SLIT2: variants seen among roughly 807,000 people sequenced by gnomAD.
SLIT2 encodes slit homolog 2 protein.
A neutral mutation model predicts 185.7 loss-of-function variants in SLIT2; 41 were observed. The ratio of observed to expected loss-of-function variants is 0.22; its 90% CI spans 0.17 to 0.29. SLIT2 has a LOEUF of 0.29. SLIT2 is among the 10% of genes least tolerant of loss of function. The probability of loss-of-function intolerance (pLI) is 1.00; values close to 1 mark genes in which losing one functional copy is unlikely to be tolerated. For synonymous variants in SLIT2, 693 were observed against 680.2 expected (o/e 1.02, Z -0.29); for missense variants, 1,571 against 1,909.0 (o/e 0.82, Z 3.30).
chr4:20,351,928 T>G (rs906846183), intron 4 of SLIT2, among the ~76,000 whole-genome samples: 3 of 152,218 alleles, frequency 2.0e-5, no homozygotes, highest in African/African-American at 7.2e-5. Context: ...TTAGTTCTTG[T>G]CTCAGCATTT....
chr4:20,443,959 A>G (rs1729962549), intron 4 of SLIT2, among the ~76,000 whole-genome samples: 1 of 151,924 alleles, frequency 6.6e-6, no homozygotes, highest in African/African-American at 2.4e-5. Flanking sequence ...GGCAGGTACA[A>G]TACCATTTGA....
At chr4:20,476,859 T>C (rs1159772982) in intron 5 of SLIT2, among the ~76,000 whole-genome samples, 1 of 152,210 alleles carries the variant, frequency 6.6e-6, no homozygotes, top group African/African-American at 2.4e-5. Flanking sequence ...AGCAAATGTT[T>C]AACCTTTTTG....
intron 4 of SLIT2, among the ~76,000 whole-genome samples, chr4:20,353,995 C>A (rs948844664): frequency 6.6e-6 from 1 of 152,014 alleles, no homozygotes; most frequent in Admixed American, 6.6e-5. Flanking sequence ...ATGTTCATTG[C>A]GTAGGATAAA....
At chr4:20,487,733 A>G (rs1460545706) in intron 7 of SLIT2, among the ~76,000 whole-genome samples, 1 of 152,192 alleles carries the variant, frequency 6.6e-6, no homozygotes, top group Non-Finnish European at 1.5e-5. Context: ...GAAGCAAAAC[A>G]TTGTGTTCCT....
intron 5 of SLIT2, among the ~76,000 whole-genome samples, chr4:20,471,127 C>T (rs1031274799): frequency 6.6e-6 from 1 of 152,100 alleles, no homozygotes; most frequent in Non-Finnish European, 1.5e-5. Context: ...TAAAATATCA[C>T]AATGAATGTA....
chr4:20,439,415 T>G (rs982293187), intron 4 of SLIT2, among the ~76,000 whole-genome samples: 6 of 152,212 alleles, frequency 3.9e-5, no homozygotes, highest in Non-Finnish European at 5.9e-5. Flanking sequence ...CTCTCTTAGC[T>G]GCTGGTGGTT....
At chr4:20,530,563 A>C (rs1358086722) in intron 16 of SLIT2, among the ~76,000 whole-genome samples, 1 of 152,180 alleles carries the variant, frequency 6.6e-6, no homozygotes, top group Non-Finnish European at 1.5e-5. Context: ...GGTTACAGGC[A>C]TGAGACACTG....
intron 4 of SLIT2, among the ~76,000 whole-genome samples, chr4:20,377,302 G>C (rs1724102672): frequency 6.6e-6 from 1 of 151,994 alleles, no homozygotes; most frequent in South Asian, 2.1e-4. Flanking sequence ...ACAATTGAAA[G>C]AAACTTACTG....
intron 30 of SLIT2, among the ~76,000 whole-genome samples, chr4:20,593,715 T>C (rs1334334927): frequency 1.3e-5 from 2 of 152,154 alleles, no homozygotes; most frequent in African/African-American, 4.8e-5. Context: ...TGTATGTATG[T>C]ATAAAACATT....
intron 4 of SLIT2, among the ~76,000 whole-genome samples, chr4:20,440,888 A>C (rs1729690191): frequency 6.6e-6 from 1 of 152,150 alleles, no homozygotes; most frequent in South Asian, 2.1e-4. Flanking sequence ...CATCGTACCC[A>C]AACACTGATG....
At chr4:20,344,609 C>T (rs186721855) in intron 4 of SLIT2, among the ~76,000 whole-genome samples, 1 of 152,230 alleles carries the variant, frequency 6.6e-6, no homozygotes, top group Non-Finnish European at 1.5e-5. Flanking sequence ...CCTTTTACTT[C>T]CAAAGTCTTC....
At chr4:20,306,531 A>G (rs1175913034) in intron 4 of SLIT2, among the ~76,000 whole-genome samples, 12 of 152,218 alleles carry the variant, frequency 7.9e-5, no homozygotes, top group Admixed American at 6.5e-4. Flanking sequence ...TCAAATTAGG[A>G]AGCTTGAGAA....
intron 4 of SLIT2, among the ~76,000 whole-genome samples, chr4:20,423,133 T>C (rs1395185603): frequency 1.3e-5 from 2 of 152,100 alleles, no homozygotes; most frequent in Non-Finnish European, 1.5e-5. Context: ...TTGCATATAC[T>C]AGACCCAAAT....
rs1317146672 is a variant in SLIT2, at chr4:20,534,359, TA to T, written c.1832+645del. 5.3e-5 allele frequency among the ~76,000 whole-genome samples: 8 copies of T among 152,026 alleles called. No individual in the cohort carries two copies. In the East Asian group the frequency reaches 1.5e-3, roughly 29 times the overall value. The stretch of plus-strand genomic sequence containing the variant: ...AGAGTTATGTCTACTTGCTCAGGGG[TA>T]GGGTGTTTGGGGGAAAAAATTATAT... On this transcript the variant is annotated intron_variant, in intron 18 of 36. Coordinates refer to ENST00000504154, the MANE Select transcript of SLIT2 (RefSeq NM_004787.4).
intron 4 of SLIT2, among the ~76,000 whole-genome samples, chr4:20,414,246 A>G (rs1727483692): frequency 6.6e-6 from 1 of 152,158 alleles, no homozygotes; most frequent in African/African-American, 2.4e-5. Flanking sequence ...TTTCATTTGT[A>G]TACAAAACCT....
chr4:20,395,472 A>C (rs540546301), intron 4 of SLIT2, among the ~76,000 whole-genome samples: 4 of 152,106 alleles, frequency 2.6e-5, no homozygotes, highest in African/African-American at 7.2e-5. Flanking sequence ...CCATTGAGGT[A>C]TTTTCTTCAG....
chr4:20,391,792 G>A (rs1725436368), intron 4 of SLIT2, among the ~76,000 whole-genome samples: 1 of 152,020 alleles, frequency 6.6e-6, no homozygotes. Context: ...AGTAAAGATG[G>A]CTTGATATCT....
intron 4 of SLIT2, among the ~76,000 whole-genome samples, chr4:20,436,375 A>G (rs2148692050): frequency 6.6e-6 from 1 of 152,302 alleles, no homozygotes; most frequent in African/African-American, 2.4e-5. Flanking sequence ...CCTCTAATGT[A>G]TAGAAAATCT....
At chr4:20,269,667 T>C (rs1020116109) in intron 4 of SLIT2, among the ~76,000 whole-genome samples, 4 of 151,952 alleles carry the variant, frequency 2.6e-5, no homozygotes, top group African/African-American at 9.7e-5. Context: ...TATATGCATG[T>C]TGTGAAAAAA....
Sources: gnomAD v4.1 joint callset for allele counts (sites outside exome capture counted in the v4.1 genomes callset) on GRCh38, gnomAD v4.1.1 for gene constraint, MANE v1.5 for transcripts, NCBI Gene and HGNC (gene_info 2026-07-23, HGNC 2026-07-21) for gene names.